The following SHISA9 variants were observed in gnomAD, a reference collection of about 807,000 sequenced individuals.
The protein encoded by SHISA9 is protein shisa-9.
A neutral mutation model predicts 38.0 loss-of-function variants in SHISA9; 13 were observed. The ratio of observed to expected loss-of-function variants is 0.34; its 90% CI spans 0.22 to 0.54. The LOEUF (loss-of-function observed/expected upper bound fraction) is 0.54. Among genes scored for constraint, SHISA9 ranks in the 20% least tolerant of loss-of-function variants. SHISA9 has a pLI of 0.91. For synonymous variants in SHISA9, 275 were observed against 242.0 expected, an observed-to-expected ratio of 1.14 and a Z score of -1.27; for missense variants, 538 against 575.8, an observed-to-expected ratio of 0.93 and a Z score of 0.67.
At chr16:13,440,825 G>T in the SHISA9 span, among the ~76,000 whole-genome samples, 1 of 152,094 alleles carries the variant, frequency 6.6e-6, no homozygotes, top group African/African-American at 2.4e-5. Flanking sequence ...AGGAGGCTGA[G>T]GCAGGAGAGT....
chr16:13,146,571 G>C (rs1258961441), intron 2 of SHISA9, among the ~76,000 whole-genome samples: 1 of 152,098 alleles, frequency 6.6e-6, no homozygotes, highest in Non-Finnish European at 1.5e-5. Flanking sequence ...ATCAATTATT[G>C]TTGTCTGTAG....
At chr16:13,291,931 T>A in the SHISA9 span, among the ~76,000 whole-genome samples, 1 of 152,116 alleles carries the variant, frequency 6.6e-6, no homozygotes, top group African/African-American at 2.4e-5. Flanking sequence ...AAAACAGTGT[T>A]TTTTTACCTT....
intron 3 of SHISA9, among the ~76,000 whole-genome samples, chr16:13,211,171 C>A (rs951939358): frequency 1.3e-5 from 2 of 152,028 alleles, no homozygotes; most frequent in African/African-American, 4.8e-5. Context: ...GTGCTGCTCG[C>A]CTATAACCTC....
chr16:12,970,505 T>A (rs1216039227), intron 2 of SHISA9, among the ~76,000 whole-genome samples: 19 of 41,264 alleles, frequency 4.6e-4, no homozygotes, highest in East Asian at 1.7e-3. Flanking sequence ...ATATTTTTTT[T>A]TTTTTTTTTT....
chr16:13,208,443 C>CTTTTTTTTTTTTTTTTT (rs71395107), intron 3 of SHISA9, among the ~76,000 whole-genome samples: 2 of 125,080 alleles, frequency 1.6e-5, no homozygotes, highest in Non-Finnish European at 3.2e-5. Context: ...CTTTTTTTTT[C>CTTTTTTTTTTTTTTTTT]TTTTTTTTTT....
chr16:13,093,243 G>C (rs898526875), intron 2 of SHISA9, among the ~76,000 whole-genome samples: 1 of 152,138 alleles, frequency 6.6e-6, no homozygotes, highest in East Asian at 1.9e-4. Context: ...TGACTTAGAT[G>C]AGAGAAACTT....
At chr16:13,196,112 A>AG (rs2050937354) in intron 2 of SHISA9, among the ~76,000 whole-genome samples, 1 of 138,858 alleles carries the variant, frequency 7.2e-6, no homozygotes, top group African/African-American at 2.7e-5. Flanking sequence ...AAAAAAAAAA[A>AG]AAAGGCCAGG....
At chr16:13,058,960 G>C (rs766442808) in intron 2 of SHISA9, among the ~76,000 whole-genome samples, 13 of 152,006 alleles carry the variant, frequency 8.6e-5, no homozygotes, top group Non-Finnish European at 1.9e-4. Context: ...ATTTGGGAAG[G>C]TGTTTCCATA....
At chr16:13,561,344 G>T in the SHISA9 span, among the ~76,000 whole-genome samples, 2 of 152,142 alleles carry the variant, frequency 1.3e-5, no homozygotes, top group South Asian at 4.1e-4. Flanking sequence ...ATAACTTGCA[G>T]CATCTCCAAC....
chr16:13,407,359 C>T, the SHISA9 span, among the ~76,000 whole-genome samples: 2 of 152,074 alleles, frequency 1.3e-5, no homozygotes, highest in Admixed American at 6.5e-5. Context: ...TGTGCATTCA[C>T]GTGGTGGAAG....
intron 2 of SHISA9, among the ~76,000 whole-genome samples, chr16:13,119,414 A>G (rs2074063400): frequency 6.6e-6 from 1 of 152,188 alleles, no homozygotes. Flanking sequence ...AGCCAGTCTC[A>G]GGGTCTTTTT....
chr16:13,339,484 A>C, the SHISA9 span, among the ~76,000 whole-genome samples: 1 of 152,220 alleles, frequency 6.6e-6, no homozygotes, highest in East Asian at 1.9e-4. Flanking sequence ...GTCCTTATCA[A>C]TAAAATGGGA....
Position 13,079,093 on chromosome 16 carries a change from C to G in SHISA9, c.692-124301C>G, listed in dbSNP as rs898602573. ...TTAAAACGTGGCTAATAGAACTTTC[C>G]TCAGATAATTGTGGTGAGGGTGAAA... On this transcript the variant is annotated intron_variant, in intron 2 of 4. Transcript: ENST00000558583. Among the ~76,000 whole-genome samples the G allele has an allele frequency of 3.3e-5, 5 of 152,156 alleles. No homozygotes were observed. In the East Asian group the frequency reaches 5.8e-4, roughly 18 times the overall value.
the SHISA9 span, among the ~76,000 whole-genome samples, chr16:13,414,364 C>G: frequency 1.3e-5 from 2 of 152,124 alleles, no homozygotes; most frequent in Non-Finnish European, 2.9e-5. Context: ...GTTATTGGTG[C>G]TCAGCTCCAG....
intron 1 of SHISA9, among the ~76,000 whole-genome samples, chr16:12,904,701 C>A (rs1335633598): frequency 6.6e-6 from 1 of 152,056 alleles, no homozygotes; most frequent in Non-Finnish European, 1.5e-5. Context: ...AGTGCATACT[C>A]CCGAAAAGAG....
chr16:13,295,895 G>A, the SHISA9 span, among the ~76,000 whole-genome samples: 4 of 152,116 alleles, frequency 2.6e-5, no homozygotes, highest in South Asian at 2.1e-4. Flanking sequence ...AATTTCTGTC[G>A]GAGCTTTTCC....
At chr16:13,359,065 C>G in the SHISA9 span, among the ~76,000 whole-genome samples, 1 of 151,792 alleles carries the variant, frequency 6.6e-6, no homozygotes, top group African/African-American at 2.4e-5. Context: ...AAATGCAATT[C>G]CCATCCGTTG....
At chr16:13,127,593 C>T (rs1472239020) in intron 2 of SHISA9, among the ~76,000 whole-genome samples, 2 of 152,082 alleles carry the variant, frequency 1.3e-5, no homozygotes, top group Non-Finnish European at 2.9e-5. Flanking sequence ...GGGAGAGCAG[C>T]TTGACAGGTC....
chr16:13,434,217 T>C, the SHISA9 span, among the ~76,000 whole-genome samples: 3 of 152,116 alleles, frequency 2.0e-5, no homozygotes, highest in Non-Finnish European at 4.4e-5. Flanking sequence ...CTCTGCCTGC[T>C]TTTATTCTGG....
Sources: gnomAD v4.1 joint callset for allele counts (sites outside exome capture counted in the v4.1 genomes callset) on GRCh38, gnomAD v4.1.1 for gene constraint, MANE v1.5 for transcripts, NCBI Gene and HGNC (gene_info 2026-07-23, HGNC 2026-07-21) for gene names.